Variants in NALCN observed in about 807,000 individuals in gnomAD.
NALCN encodes sodium leak channel NALCN.
In NALCN, 111 loss-of-function variants were observed where a neutral mutation model predicts 225.3. The observed-to-expected ratio is 0.49, with a 90% confidence interval of 0.42 to 0.58. The LOEUF is 0.58. Ranked by LOEUF, NALCN falls within the 20% of genes least tolerant of loss-of-function variation. NALCN has a pLI of 0.00. For synonymous variants in NALCN, 764 were observed against 769.0 expected (o/e 0.99, Z 0.11); for missense variants, 1,378 against 2,202.4 (o/e 0.63, Z 7.49).
intron 15 of NALCN, 86 bp from the exon 16 acceptor site, chr13:101,144,982 C>A: frequency 7.1e-7 from 1 of 1,401,408 alleles, no homozygotes; most frequent in Non-Finnish European, 9.4e-7. Context: ...AGAATGGAAG[C>A]AATAAGTAAT....
chr13:101,140,255 G>A (rs535054191), intron 17 of NALCN, among the ~76,000 whole-genome samples: 7 of 152,188 alleles, frequency 4.6e-5, no homozygotes, highest in South Asian at 2.1e-4. Flanking sequence ...CGCTTCGGGC[G>A]GGCGCACAGA....
At chr13:101,092,241 G>A (rs1434097193) in intron 28 of NALCN, among the ~76,000 whole-genome samples, 1 of 151,984 alleles carries the variant, frequency 6.6e-6, no homozygotes, top group Non-Finnish European at 1.5e-5. Flanking sequence ...GTGCTCCAAG[G>A]CCCCCCAAGA....
chr13:101,144,964 T>C, intron 15 of NALCN, 68 bp from the exon 16 acceptor site: 1 of 1,481,408 alleles, frequency 6.8e-7, no homozygotes, highest in Non-Finnish European at 8.9e-7. Flanking sequence ...TTACACAAAA[T>C]TAGTTTTAGA....
intron 13 of NALCN, among the ~76,000 whole-genome samples, chr13:101,201,696 A>AT (rs1349959233): frequency 6.6e-6 from 1 of 152,002 alleles, no homozygotes; most frequent in African/African-American, 2.4e-5. Context: ...TAAAATGTAC[A>AT]TTTTTTCATT....
At chr13:101,180,124 G>A (rs975823984) in intron 14 of NALCN, among the ~76,000 whole-genome samples, 11 of 151,110 alleles carry the variant, frequency 7.3e-5, no homozygotes, top group South Asian at 2.1e-4. Context: ...CAATAAGGTC[G>A]TGTTCATAGG....
At chr13:101,102,282 C>CA (rs113536153) in intron 26 of NALCN, among the ~76,000 whole-genome samples, 19,707 of 147,036 alleles carry the variant, frequency 0.13, 2,585 homozygotes, top group African/African-American at 0.35. Context: ...GATTCTGTCT[C>CA]AAAAAAAAAG....
intron 7 of NALCN, among the ~76,000 whole-genome samples, chr13:101,310,305 G>C (rs1423764997): frequency 6.6e-6 from 1 of 152,142 alleles, no homozygotes; most frequent in Non-Finnish European, 1.5e-5. Context: ...TCCATTCCTT[G>C]TTACCTTTCC....
rs571965852 is a variant in NALCN at position 101,323,766 on chromosome 13, G to A, written c.799+21500C>T. On this transcript the variant is annotated intron_variant, in intron 7 of 43. Transcript: ENST00000251127. ...TTTTCCATGCATTCAGGATAAGACAGGGAAACAGTCACATGTACTAACATG... is the reference window on the plus strand; with the variant it reads ...TTTTCCATGCATTCAGGATAAGACAAGGAAACAGTCACATGTACTAACATG... Among the ~76,000 whole-genome samples, 401 of 152,342 alleles carry A rather than the reference G, an allele frequency of 2.6e-3. 2 individuals are homozygous for A. Among genetic ancestry groups the A allele is most frequent in the African/African-American group, 8.7e-3 (363 of 41,588 alleles).
Position 101,129,611 on chromosome 13 carries a change from C to T in NALCN, c.2119-4930G>A, listed in dbSNP as rs1006519956. ...AATTGGAAAAATGGTGTTTCAAGAA[C>T]ATATCTAGAGCCCATAGATGCTCAC... On this transcript the variant is annotated intron_variant, in intron 17 of 43. Coordinates refer to ENST00000251127, the MANE Select transcript of NALCN (RefSeq NM_052867.4). Among the ~76,000 whole-genome samples, 3 of 152,212 alleles carry T rather than the reference C, an allele frequency of 2.0e-5. No homozygotes were observed. The East Asian group carries it at 5.8e-4, about 29-fold the overall frequency.
At chr13:101,098,121 T>C (rs1227913540) in intron 27 of NALCN, among the ~76,000 whole-genome samples, 5 of 152,132 alleles carry the variant, frequency 3.3e-5, no homozygotes, top group Non-Finnish European at 7.4e-5. Context: ...CCTTCTTCAC[T>C]GCTTGCTCTC....
chr13:101,068,813 A>T lies in NALCN; in HGVS notation c.4212T>A (p.Phe1404Leu). The T allele has an allele frequency of 6.2e-7, 1 of 1,609,190 alleles. No individual in the cohort carries two copies. The highest frequency in any genetic ancestry group is 8.5e-7 in the Non-Finnish European group (1 of 1,178,186). The change falls in exon 38 of 44, where the codon TTT (phenylalanine) becomes TTA (leucine). Residue 1404 changes from phenylalanine (F) to leucine (L), a missense_variant. This residue lies in a region of NALCN where 76 missense variants were observed against 118.7 expected (regional missense o/e 0.64). Coordinates refer to ENST00000251127, the MANE Select transcript of NALCN (RefSeq NM_052867.4). ...IMHDCMVQPP[F>L]CTPDEFTYWA... Reference sequence around the variant, plus strand: ...AGTATGTAAATTCATCTGGAGTACAAAACGGAGGCTGAACCTTTGGGGCAT... The same window carrying T: ...AGTATGTAAATTCATCTGGAGTACATAACGGAGGCTGAACCTTTGGGGCAT...
In NALCN at chr13:101,399,154, C is replaced by T; in HGVS notation, c.-28G>A. ...TGAGGTTAGCTTTGGTGAGCAAGCA[C>T]AAAACCACAGTCTGGGAAAAGGAAA... On this transcript the variant is annotated 5_prime_UTR_variant, in exon 2 of 44. In the 5' UTR this introduces an upstream ATG that the reference lacks. Transcript: ENST00000251127. 1.2e-6 allele frequency: 2 copies of T among 1,611,756 alleles called. No homozygotes were observed. The highest frequency in any genetic ancestry group is 1.3e-5 in the African/African-American group (1 of 74,930).
At chr13:101,180,210 T>C (rs866328558) in intron 14 of NALCN, among the ~76,000 whole-genome samples, 3 of 146,218 alleles carry the variant, frequency 2.1e-5, no homozygotes, top group South Asian at 2.3e-4. Flanking sequence ...TGGTCTTTTT[T>C]TTTTTTTTTT....
chr13:101,220,130 G>A (rs1184437118), intron 13 of NALCN, among the ~76,000 whole-genome samples: 8 of 152,246 alleles, frequency 5.3e-5, no homozygotes, highest in South Asian at 2.1e-4. Flanking sequence ...CCTCCAAGAC[G>A]GCCTGGACCC....
intron 7 of NALCN, among the ~76,000 whole-genome samples, chr13:101,293,832 T>C (rs780207043): frequency 8.5e-5 from 13 of 152,228 alleles, no homozygotes; most frequent in Non-Finnish European, 1.8e-4. Flanking sequence ...TGTGCTAATA[T>C]ACTTTCTATA....
intron 14 of NALCN, chr13:101,180,804 G>C (rs2039178839): frequency 3.0e-6 from 1 of 333,492 alleles, no homozygotes; most frequent in African/African-American, 2.1e-5. Context: ...ATGCTCCCAA[G>C]TGAGGTGTGT....
At chr13:101,413,821 C>T (rs993843546) in intron 1 of NALCN, among the ~76,000 whole-genome samples, 2 of 152,036 alleles carry the variant, frequency 1.3e-5, no homozygotes, top group South Asian at 2.1e-4. Flanking sequence ...TTGAGACAGG[C>T]GAGAATTGTA....
At chr13:101,299,228 C>T (rs1283846136) in intron 7 of NALCN, among the ~76,000 whole-genome samples, 2 of 152,178 alleles carry the variant, frequency 1.3e-5, no homozygotes, top group African/African-American at 2.4e-5. Context: ...AGTAAGATGA[C>T]TGTATACATG....
chr13:101,061,877 C>T, intron 41 of NALCN, 91 bp downstream of exon 41: 1 of 1,258,268 alleles, frequency 7.9e-7, no homozygotes, highest in Non-Finnish European at 1.1e-6. Context: ...AGGAGCTAAT[C>T]CCATGTTCAC....
Sources: gnomAD v4.1 joint callset for allele counts (sites outside exome capture counted in the v4.1 genomes callset) on GRCh38, gnomAD v4.1.1 for gene constraint, gnomAD v4.1.1 regional missense constraint, MANE v1.5 for transcripts, NCBI Gene and HGNC (gene_info 2026-07-23, HGNC 2026-07-21) for gene names.